The following PEX5L variants were observed in gnomAD, a reference collection of about 807,000 sequenced individuals.
The protein encoded by PEX5L is peroxisomal biogenesis factor 5 like.
A neutral mutation model predicts 84.0 loss-of-function variants in PEX5L; 30 were observed. That is an observed-to-expected ratio of 0.36 (90% CI 0.27 to 0.48). The LOEUF is 0.48. PEX5L is among the 20% of genes least tolerant of loss of function. The pLI is 0.99. For synonymous variants in PEX5L, 270 were observed against 283.1 expected, an observed-to-expected ratio of 0.95 and a Z score of 0.46; for missense variants, 533 against 754.6, an observed-to-expected ratio of 0.71 and a Z score of 3.44.
At chr3:179,986,396 A>G (rs895911741) in intron 1 of PEX5L, among the ~76,000 whole-genome samples, 1 of 128,402 alleles carries the variant, frequency 7.8e-6, no homozygotes, top group African/African-American at 3.2e-5. Flanking sequence ...ACCATTTAGT[A>G]ATTTTTTTTT....
At chr3:179,967,571 G>C (rs1229412489) in intron 2 of PEX5L, among the ~76,000 whole-genome samples, 1 of 152,124 alleles carries the variant, frequency 6.6e-6, no homozygotes, top group East Asian at 1.9e-4. Context: ...TGTGGATTTA[G>C]CCAGACTGCA....
intron 2 of PEX5L, among the ~76,000 whole-genome samples, chr3:179,962,090 T>C (rs896116125): frequency 1.9e-5 from 1 of 51,626 alleles, no homozygotes; most frequent in African/African-American, 5.1e-5. Context: ...GTCACAAAGT[T>C]TGTGAGAACC....
At chr3:179,923,314 C>A (rs9831383) in intron 2 of PEX5L, among the ~76,000 whole-genome samples, 12 of 134,642 alleles carry the variant, frequency 8.9e-5, no homozygotes, top group South Asian at 4.6e-4. Context: ...AAAAAAAACA[C>A]CCTCAAGTGA....
intron 2 of PEX5L, among the ~76,000 whole-genome samples, chr3:179,900,304 T>C: frequency 6.6e-6 from 1 of 152,306 alleles, no homozygotes; most frequent in South Asian, 2.1e-4. Flanking sequence ...ATTCCTATTA[T>C]ATTTAAAATA....
intron 2 of PEX5L, among the ~76,000 whole-genome samples, chr3:179,923,368 A>G (rs1194096055): frequency 1.3e-5 from 2 of 151,520 alleles, no homozygotes; most frequent in African/African-American, 4.8e-5. Context: ...ATAAATATTT[A>G]TCCAGTGAGA....
chr3:179,811,889 T>TGTTAA lies in PEX5L; in HGVS notation c.1084-23_1084-19dup, dbSNP rs762524768. The TGTTAA allele has an allele frequency of 6.3e-7, 1 of 1,598,498 alleles. No individual in the cohort carries two copies. The highest frequency in any genetic ancestry group is 8.6e-7 in the Non-Finnish European group (1 of 1,165,740). On this transcript the variant is annotated intron_variant, in intron 10 of 14. Transcript: ENST00000467460. ...TGCCATGCCTACGAAAGACAACTGA[T>TGTTAA]GTTAACATTGCAAGATGAAGCAGAA...
intron 10 of PEX5L, among the ~76,000 whole-genome samples, chr3:179,812,416 A>G (rs1724234138): frequency 6.6e-6 from 1 of 152,216 alleles, no homozygotes; most frequent in Admixed American, 6.5e-5. Context: ...CACAAAACAT[A>G]TAACACAATC....
chr3:179,933,091 A>G (rs1365729219), intron 2 of PEX5L, among the ~76,000 whole-genome samples: 1 of 152,188 alleles, frequency 6.6e-6, no homozygotes, highest in Non-Finnish European at 1.5e-5. Context: ...GATTCCACAT[A>G]TAAGTGAGAG....
intron 2 of PEX5L, among the ~76,000 whole-genome samples, chr3:179,945,675 T>C (rs952358595): frequency 4.6e-5 from 7 of 152,204 alleles, no homozygotes; most frequent in African/African-American, 1.4e-4. Context: ...CTTCCGTCCA[T>C]GGGAAGACAC....
intron 1 of PEX5L, among the ~76,000 whole-genome samples, chr3:180,026,987 C>G (rs1422254993): frequency 2.0e-5 from 3 of 152,184 alleles, no homozygotes; most frequent in Admixed American, 2.0e-4. Context: ...TGTGGCTCAG[C>G]TCCACCAATC....
intron 9 of PEX5L, among the ~76,000 whole-genome samples, chr3:179,819,262 G>C (rs1407120526): frequency 1.3e-5 from 2 of 152,072 alleles, no homozygotes; most frequent in Non-Finnish European, 2.9e-5. Context: ...AAATCCTAGA[G>C]CAACTGGGAC....
At chr3:180,022,870 A>G (rs1242784290) in intron 1 of PEX5L, among the ~76,000 whole-genome samples, 1 of 152,202 alleles carries the variant, frequency 6.6e-6, no homozygotes, top group East Asian at 1.9e-4. Flanking sequence ...CTCTCAGAGT[A>G]TTACATGCAT....
intron 8 of PEX5L, among the ~76,000 whole-genome samples, chr3:179,838,909 A>T (rs1735998500): frequency 6.6e-6 from 1 of 152,166 alleles, no homozygotes; most frequent in Non-Finnish European, 1.5e-5. Context: ...CTCTCCAATG[A>T]CAGGCTTTTA....
Position 179,948,514 on chromosome 3 carries a change from A to G in PEX5L, c.93+23080T>C, listed in dbSNP as rs145980643. ...ATCTGACCAGAGAAGATGAATAAGA[A>G]GATAAACAGGAAGGCAGCATGGGAG... On this transcript the variant is annotated intron_variant, in intron 2 of 14. Coordinates refer to ENST00000467460, the MANE Select transcript of PEX5L (RefSeq NM_016559.3). 9.8e-5 allele frequency among the ~76,000 whole-genome samples: 15 copies of G among 152,330 alleles called. No homozygotes were observed. In the East Asian group the frequency reaches 2.9e-3, roughly 29 times the overall value.
At chr3:179,948,936 C>T (rs1463725524) in intron 2 of PEX5L, among the ~76,000 whole-genome samples, 4 of 152,170 alleles carry the variant, frequency 2.6e-5, no homozygotes, top group Non-Finnish European at 5.9e-5. Flanking sequence ...TATCTACATT[C>T]GTGCAAAGAG....
chr3:179,848,049 C>A (rs1340916753), intron 8 of PEX5L, among the ~76,000 whole-genome samples: 1 of 151,790 alleles, frequency 6.6e-6, no homozygotes, highest in Non-Finnish European at 1.5e-5. Context: ...ACTATTCTAA[C>A]CCCTGGCTTC....
chr3:179,888,000 C>A, intron 3 of PEX5L: 1 of 735,832 alleles, frequency 1.4e-6, no homozygotes, highest in South Asian at 1.6e-5. Context: ...CAGCCAACTT[C>A]AATGTTTAAA....
intron 1 of PEX5L, among the ~76,000 whole-genome samples, chr3:179,996,521 A>C (rs1156389884): frequency 6.6e-6 from 1 of 152,208 alleles, no homozygotes; most frequent in Non-Finnish European, 1.5e-5. Context: ...GAAGGGATCC[A>C]AAAGCTTAGG....
chr3:179,811,744 G>T (rs1723950340), intron 11 of PEX5L, 57 bp downstream of exon 11: 1 of 1,219,728 alleles, frequency 8.2e-7, no homozygotes, highest in South Asian at 1.2e-5. Context: ...ATCTGAAACA[G>T]GAAGTTCATT....
Sources: allele counts gnomAD v4.1 joint callset (sites outside exome capture counted in the v4.1 genomes callset), GRCh38; gene constraint gnomAD v4.1.1; transcripts MANE v1.5; gene names NCBI Gene and HGNC (gene_info 2026-07-23, HGNC 2026-07-21).